The following OAS3 variants were observed in gnomAD, a reference collection of about 807,000 sequenced individuals.
OAS3 encodes the protein 2'-5'-oligoadenylate synthetase 3, also known as 2'-5'-oligoadenylate synthase 3.
OAS3 carries 107 observed loss-of-function variants against 113.0 expected under a neutral mutation model. The observed-to-expected ratio is 0.95, with a 90% confidence interval of 0.81 to 1.11. The LOEUF is 1.11. Ranked by LOEUF, OAS3 falls within the 50% of genes most tolerant of loss-of-function variation. OAS3 has a pLI of 0.00. For synonymous variants in OAS3, 552 were observed against 573.6 expected (o/e 0.96, Z 0.54); for missense variants, 1,258 against 1,389.1 (o/e 0.91, Z 1.50).
At chr12:112,949,228 C>A (rs1555225697) in intron 6 of OAS3, 23 bp downstream of exon 6, 3 of 1,538,638 alleles carry the variant, frequency 1.9e-6, no homozygotes, top group East Asian at 2.5e-5. Flanking sequence ...AGTGGAGACA[C>A]AGGGGGGACC....
Position 112,948,780 on chromosome 12 carries a change from C to T in OAS3, c.1030-81C>T, listed in dbSNP as rs2043757843. The stretch of plus-strand genomic sequence containing the variant: ...TCAGTCACCCTGACTGTACAAAGGG[C>T]GGGAGCTGGGGAGAGAAGGCATTGG... On this transcript the variant is annotated intron_variant, in intron 5 of 15. Transcript: ENST00000228928. 5.4e-6 allele frequency: 6 copies of T among 1,109,144 alleles called. No homozygotes were observed. The East Asian group carries it at 7.8e-5, about 14-fold the overall frequency. 68.7% of individuals were successfully genotyped at this position (1,109,144 alleles called of 1,614,324 possible).
chr12:112,945,022 C>T, intron 3 of OAS3: 1 of 316,742 alleles, frequency 3.2e-6, no homozygotes, highest in East Asian at 8.2e-5. Flanking sequence ...AGAAGTCTTT[C>T]CCTATCCTGC....
At chr12:112,950,408 G>A (rs1410398712) in intron 6 of OAS3, among the ~76,000 whole-genome samples, 2 of 152,176 alleles carry the variant, frequency 1.3e-5, no homozygotes, top group Non-Finnish European at 2.9e-5. Flanking sequence ...ATGTTTGGTC[G>A]CTGCCCCTAC....
At chr12:112,967,633 G>A (rs1001276209) in intron 13 of OAS3, 40 bp downstream of exon 13, 13 of 1,590,440 alleles carry the variant, frequency 8.2e-6, no homozygotes, top group Non-Finnish European at 1.1e-5. Flanking sequence ...AGTTGCCCTG[G>A]GATCTGCCTC....
chr12:112,944,977 T>A, intron 3 of OAS3: 1 of 362,414 alleles, frequency 2.8e-6, no homozygotes, highest in Non-Finnish European at 5.3e-6. Context: ...CTCAGATATA[T>A]CCTTTGAAAA....
At position 112,969,635 on chromosome 12, in the gene OAS3, G is replaced by A. The variant is rs371036023; in HGVS notation, c.3132G>A (p.Pro1044=). 165 of 1,603,676 alleles carry A rather than the reference G, an allele frequency of 1.0e-4. No individual in the cohort carries two copies. The highest frequency in any genetic ancestry group is 1.3e-4 in the Non-Finnish European group (154 of 1,175,128). The part of the protein sequence containing the change: ...PRPIILDPAD[P]TGNLGHNARW... ...CTATCATCCTGGATCCGGCTGACCC[G>A]ACAGGCAACCTGGGCCACAATGCCC... The change falls in exon 15 of 16, where the codon CCG becomes CCA. Residue 1044 remains proline, a synonymous_variant. Coordinates refer to ENST00000228928, the MANE Select transcript of OAS3 (RefSeq NM_006187.4).
Position 112,964,267 on chromosome 12 carries a change from C to T in OAS3, c.2262C>T (p.Asp754=). ...PALLYQTPAG[D]LDKFISEFLQ... Reference sequence around the variant, plus strand: ...TCCTTTACCAAACCCCAGCTGGGGACCTTGACAAGTTCATCAGTGAATTTC... The same window carrying T: ...TCCTTTACCAAACCCCAGCTGGGGATCTTGACAAGTTCATCAGTGAATTTC... Residue 754 remains aspartate (D), a synonymous_variant, in exon 11 of 16, where the codon GAC becomes GAT. Coordinates refer to ENST00000228928, the MANE Select transcript of OAS3 (RefSeq NM_006187.4). 1.2e-6 allele frequency: 2 copies of T among 1,600,954 alleles called. No homozygotes were observed.
At chr12:112,958,155 C>T (rs182253912) in intron 7 of OAS3, among the ~76,000 whole-genome samples, 12 of 152,350 alleles carry the variant, frequency 7.9e-5, no homozygotes, top group East Asian at 5.8e-4. Flanking sequence ...GCATGCATCA[C>T]GTAGTTCTTG....
In OAS3 at chr12:112,947,815, G is replaced by A. The variant is rs541860261; in HGVS notation, c.876-131G>A. On this transcript the variant is annotated intron_variant, in intron 4 of 15. Transcript: ENST00000228928. Reference sequence around the variant, plus strand: ...TCATTTTGCGGATAAGGAAATCGAGGCTCAGAGAGGGTAAATCATTTGCCC... The same window carrying A: ...TCATTTTGCGGATAAGGAAATCGAGACTCAGAGAGGGTAAATCATTTGCCC... 4.7e-5 allele frequency: 36 copies of A among 766,286 alleles called. No homozygotes were observed. In the South Asian group the frequency reaches 7.5e-4, roughly 16 times the overall value. The allele number at this position is 766,286 out of a possible 1,614,324, so 47.5% of individuals were successfully genotyped here.
At position 112,970,154 on chromosome 12, in the gene OAS3, C is replaced by T. The variant is rs865864160; in HGVS notation, c.*181C>T. ...TTTTAGTGAATCTGCTCTCCCAGCT[C>T]ACACACTCCCCTGCCTCCCATGGCT... On this transcript the variant is annotated 3_prime_UTR_variant, in exon 16 of 16. Coordinates refer to ENST00000228928, the MANE Select transcript of OAS3 (RefSeq NM_006187.4). 3 of 708,304 alleles carry T rather than the reference C, an allele frequency of 4.2e-6. No individual in the cohort carries two copies. The South Asian group carries it at 5.1e-5, about 12-fold the overall frequency. 43.9% of individuals were successfully genotyped at this position (708,304 alleles called of 1,614,324 possible).
chr12:112,962,941 C>T lies in OAS3; in HGVS notation c.2084+39C>T, dbSNP rs55688670. The T allele has an allele frequency of 4.4e-6, 7 of 1,607,420 alleles. No individual in the cohort carries two copies. The Middle Eastern group carries it at 1.2e-3, about 267-fold the overall frequency. ...TCCCTTTGCCTGGCTTCATTATCCT[C>T]CCCCTCCCCACTGTCACCCTGGAGT... On this transcript the variant is annotated intron_variant, in intron 9 of 15. Transcript: ENST00000228928.
At position 112,938,628 on chromosome 12, in the gene OAS3, T is replaced by C. The variant is rs768143915; in HGVS notation, c.98T>C (p.Leu33Pro). 4 of 1,607,410 alleles carry C rather than the reference T, an allele frequency of 2.5e-6. No homozygotes were observed. The South Asian group carries it at 4.4e-5, about 18-fold the overall frequency. ...KEFVEKARRA[L>P]GALAAALRER... ...TTCGTAGAGAAGGCGCGGCGCGCTCTGGGCGCCCTGGCCGCTGCCCTGAGG... is the reference window on the plus strand; with the variant it reads ...TTCGTAGAGAAGGCGCGGCGCGCTCCGGGCGCCCTGGCCGCTGCCCTGAGG... The change falls in exon 1 of 16, where the codon CTG becomes CCG. Residue 33 changes from leucine to proline, a missense_variant. Coordinates refer to ENST00000228928, the MANE Select transcript of OAS3 (RefSeq NM_006187.4).
At position 112,967,485 on chromosome 12, in the gene OAS3, T is replaced by C. The variant is rs1463094907; in HGVS notation, c.2757T>C (p.Asn919=). The C allele has an allele frequency of 2.5e-6, 4 of 1,613,670 alleles. No homozygotes were observed. The East Asian group carries it at 6.7e-5, about 27-fold the overall frequency. ...VYVDLIHSYS[N]AGEYSTCFTE... is the part of the protein sequence containing the mutation. The stretch of plus-strand genomic sequence containing the variant: ...TCGACCTCATCCACAGCTACAGCAA[T>C]GCGGGCGAGTACTCCACCTGCTTCA... Residue 919 remains asparagine, a synonymous_variant, in exon 13 of 16, where the codon AAT becomes AAC. Transcript: ENST00000228928.
At chr12:112,955,441 C>A (rs558528954) in intron 7 of OAS3, among the ~76,000 whole-genome samples, 4 of 152,106 alleles carry the variant, frequency 2.6e-5, no homozygotes, top group Non-Finnish European at 5.9e-5. Context: ...CCATTCAGTA[C>A]GATATTGGCT....
rs1460366391 is a variant in OAS3, at chr12:112,943,991, C to A, written c.461-485C>A. Among the ~76,000 whole-genome samples, 5 of 152,208 alleles carry A rather than the reference C, an allele frequency of 3.3e-5. No homozygotes were observed. The East Asian group carries it at 9.6e-4, about 29-fold the overall frequency. ...TACAGGTGTGAGCCACAGCGCCAGG[C>A]CTGTAGTAAAAAATATCAACAACCA... On this transcript the variant is annotated intron_variant, in intron 2 of 15. Transcript: ENST00000228928.
At position 112,970,019 on chromosome 12, in the gene OAS3, C is replaced by A. The variant is rs1176559785; in HGVS notation, c.*46C>A. 1.3e-6 allele frequency: 2 copies of A among 1,597,862 alleles called. No individual in the cohort carries two copies. Among genetic ancestry groups the A allele is most frequent in the East Asian group, 2.2e-5 (1 of 44,490 alleles). On this transcript the variant is annotated 3_prime_UTR_variant, in exon 16 of 16. Coordinates refer to ENST00000228928, the MANE Select transcript of OAS3 (RefSeq NM_006187.4). ...CTACTGGATGAAGAGAAGATGGACA[C>A]CAGCCCTCAGCATGAGGAAATTCAG...
At position 112,950,634 on chromosome 12, in the gene OAS3, G is replaced by A. The variant is rs140201795; in HGVS notation, c.1375-59G>A. 14,691 of 1,573,130 alleles carry A rather than the reference G, an allele frequency of 9.3e-3. 123 individuals are homozygous for A. Among genetic ancestry groups the A allele is most frequent in the Middle Eastern group, 0.032 (186 of 5,866 alleles). On this transcript the variant is annotated intron_variant, in intron 6 of 15. Transcript: ENST00000228928. Reference sequence around the variant, plus strand: ...TAGATGGGGCGCAGGTGATGGGATCGTAGTCCGACTCCCAGGCTCCTAGAG... The same window carrying A: ...TAGATGGGGCGCAGGTGATGGGATCATAGTCCGACTCCCAGGCTCCTAGAG...
At chr12:112,952,993 A>AT (rs1307226517) in intron 7 of OAS3, among the ~76,000 whole-genome samples, 1 of 151,492 alleles carries the variant, frequency 6.6e-6, no homozygotes, top group Non-Finnish European at 1.5e-5. Context: ...TTTTTCTATG[A>AT]TTTTTTTATT....
rs1157275835 is a variant in OAS3, at chr12:112,963,499, G to C, written c.2229+42G>C. 6.9e-7 allele frequency: 1 copy of C among 1,441,686 alleles called. No individual in the cohort carries two copies. The highest frequency in any genetic ancestry group is 2.7e-5 in the East Asian group (1 of 37,010). 89.3% of individuals were successfully genotyped at this position (1,441,686 alleles called of 1,614,324 possible). On this transcript the variant is annotated intron_variant, in intron 10 of 15. Coordinates refer to ENST00000228928, the MANE Select transcript of OAS3 (RefSeq NM_006187.4). This position sits in a 1 kb window ranked among gnomAD's most constrained non-coding sequence, Gnocchi z 4.6. ...TGGGGGGCAGGGGGCCCTGCACCCT[G>C]CCTTCTAGTCAGGTTCCCTTAACCT...
Sources: allele counts gnomAD v4.1 joint callset (sites outside exome capture counted in the v4.1 genomes callset), GRCh38; gene constraint gnomAD v4.1.1; non-coding constraint Gnocchi (gnomAD v3.1); transcripts MANE v1.5; gene names NCBI Gene and HGNC (gene_info 2026-07-23, HGNC 2026-07-21).